The following CADPS2 variants were observed in gnomAD, a reference collection of about 807,000 sequenced individuals.
CADPS2 encodes calcium dependent secretion activator 2, also known as calcium-dependent secretion activator 2.
Under a neutral mutation model 172.5 loss-of-function variants are expected in CADPS2, and 93 were observed. The ratio of observed to expected loss-of-function variants is 0.54; its 90% confidence interval spans 0.46 to 0.64. The LOEUF is 0.64. CADPS2 is among the 30% of genes least tolerant of loss of function. CADPS2 has a pLI of 0.00. For missense variants in CADPS2, 1,420 were observed against 1,565.9 expected, an observed-to-expected ratio of 0.91 and a Z score of 1.57; for synonymous variants, 546 against 555.2, an observed-to-expected ratio of 0.98 and a Z score of 0.23.
chr7:122,851,332 G>A (rs1813545950), intron 1 of CADPS2, among the ~76,000 whole-genome samples: 1 of 152,104 alleles, frequency 6.6e-6, no homozygotes, highest in Non-Finnish European at 1.5e-5. Flanking sequence ...GACAGGAATG[G>A]GTCTAGCTGT....
At chr7:122,553,956 A>G (rs2064667081) in intron 8 of CADPS2, among the ~76,000 whole-genome samples, 1 of 152,060 alleles carries the variant, frequency 6.6e-6, no homozygotes. Flanking sequence ...ACCAGCTGCA[A>G]CAGACAAAGA....
intron 17 of CADPS2, chr7:122,427,130 G>T (rs1390444783): frequency 6.6e-6 from 1 of 151,962 alleles, no homozygotes; most frequent in Non-Finnish European, 1.5e-5. Context: ...CCGTGTGTGT[G>T]TGTGTGTGTG....
chr7:122,653,926 T>C (rs2079454199), intron 3 of CADPS2, among the ~76,000 whole-genome samples: 1 of 152,172 alleles, frequency 6.6e-6, no homozygotes, highest in Non-Finnish European at 1.5e-5. Context: ...TAAAACACAC[T>C]AACATTGAAA....
intron 1 of CADPS2, among the ~76,000 whole-genome samples, chr7:122,837,606 G>A (rs953032251): frequency 4.5e-4 from 69 of 152,178 alleles, no homozygotes; most frequent in Admixed American, 2.1e-3. Flanking sequence ...TATCACCACC[G>A]ATCCCACAGA....
intron 17 of CADPS2, among the ~76,000 whole-genome samples, chr7:122,421,602 G>A (rs2048537612): frequency 6.6e-6 from 1 of 152,198 alleles, no homozygotes; most frequent in South Asian, 2.1e-4. Flanking sequence ...GCTAGCCACT[G>A]AGGGGATACA....
At chr7:122,530,927 T>C (rs1586904986) in intron 8 of CADPS2, among the ~76,000 whole-genome samples, 2 of 152,130 alleles carry the variant, frequency 1.3e-5, no homozygotes, top group African/African-American at 2.4e-5. Flanking sequence ...GCTGGATTGA[T>C]TGTGAATGGG....
intron 25 of CADPS2, among the ~76,000 whole-genome samples, chr7:122,364,963 G>C (rs534440943): frequency 4.9e-4 from 75 of 152,258 alleles, no homozygotes; most frequent in African/African-American, 1.8e-3. Flanking sequence ...TTGACTACAG[G>C]ATATGGGGTC....
chr7:122,814,124 GTTC>G (rs1800729683), intron 1 of CADPS2, among the ~76,000 whole-genome samples: 1 of 151,524 alleles, frequency 6.6e-6, no homozygotes, highest in Non-Finnish European at 1.5e-5. Context: ...TGACTTCAAA[GTTC>G]TTAACTAAAC....
chr7:122,349,564 TC>T (rs770701945), intron 27 of CADPS2, among the ~76,000 whole-genome samples: 1 of 152,054 alleles, frequency 6.6e-6, no homozygotes, highest in Non-Finnish European at 1.5e-5. Flanking sequence ...TCTAAAAAAT[TC>T]CCCCATGAGC....
At chr7:122,723,924 A>C (rs918298465) in intron 2 of CADPS2, among the ~76,000 whole-genome samples, 1 of 151,974 alleles carries the variant, frequency 6.6e-6, no homozygotes, top group East Asian at 1.9e-4. Context: ...AAACTGTCAC[A>C]AGGACAGAAA....
chr7:122,521,478 G>T (rs2060790201), intron 8 of CADPS2, among the ~76,000 whole-genome samples: 1 of 142,018 alleles, frequency 7.0e-6, no homozygotes, highest in South Asian at 2.5e-4. Context: ...TTTGCGGGGG[G>T]GTGAGGTGGG....
chr7:122,659,958 TGA>T (rs1167815872), intron 3 of CADPS2, among the ~76,000 whole-genome samples: 2 of 152,068 alleles, frequency 1.3e-5, no homozygotes, highest in Non-Finnish European at 2.9e-5. Flanking sequence ...AAACAAAAAC[TGA>T]GAGACTGCAT....
intron 2 of CADPS2, among the ~76,000 whole-genome samples, chr7:122,718,819 G>C (rs957355481): frequency 6.6e-6 from 1 of 152,140 alleles, no homozygotes; most frequent in African/African-American, 2.4e-5. Flanking sequence ...TGGGATAACA[G>C]AGAACAGATA....
intron 3 of CADPS2, among the ~76,000 whole-genome samples, chr7:122,659,407 G>C (rs1040193193): frequency 1.3e-5 from 2 of 150,954 alleles, no homozygotes; most frequent in South Asian, 2.1e-4. Context: ...CAGTGAGCTT[G>C]AAGACATGTC....
In CADPS2 at chr7:122,886,128, C is replaced by A; in HGVS notation, c.210G>T (p.Glu70Asp). The change falls in exon 1 of 30, where the codon GAG (glutamate) becomes GAT (aspartate). Residue 70 changes from glutamate to aspartate, a missense_variant. Coordinates refer to ENST00000449022, the MANE Select transcript of CADPS2 (RefSeq NM_017954.11). ...GCTCATCGTCCAGCTGCCGCTGGGG[C>A]TCGTCTCGCCCCTCGCTGAGCACAG... is the stretch of plus-strand genomic sequence containing the variant. ...SPSVLSEGRD[E>D]PQRQLDDEQE... 2 of 1,557,066 alleles carry A rather than the reference C, an allele frequency of 1.3e-6. No homozygotes were observed. Among genetic ancestry groups the A allele is most frequent in the Non-Finnish European group, 1.7e-6 (2 of 1,151,222 alleles).
intron 19 of CADPS2, among the ~76,000 whole-genome samples, chr7:122,413,732 C>T (rs2047573895): frequency 1.3e-5 from 2 of 152,180 alleles, no homozygotes; most frequent in Admixed American, 6.5e-5. Flanking sequence ...GACCAATTCA[C>T]TCCCCAATAT....
intron 12 of CADPS2, among the ~76,000 whole-genome samples, chr7:122,475,173 C>T (rs562358054): frequency 5.9e-5 from 9 of 152,236 alleles, no homozygotes; most frequent in Admixed American, 4.6e-4. Context: ...GTAGACCCTG[C>T]GGGTTTATCA....
intron 2 of CADPS2, among the ~76,000 whole-genome samples, chr7:122,682,726 G>C (rs968202750): frequency 6.6e-6 from 1 of 152,136 alleles, no homozygotes; most frequent in Non-Finnish European, 1.5e-5. Flanking sequence ...ACAAAACTGA[G>C]AGGGCATGAG....
intron 6 of CADPS2, among the ~76,000 whole-genome samples, chr7:122,596,368 A>G (rs1241838533): frequency 2.0e-5 from 3 of 152,126 alleles, no homozygotes; most frequent in Non-Finnish European, 4.4e-5. Context: ...GAACATTTAA[A>G]TAATGACACT....
Sources: gnomAD v4.1 joint callset for allele counts (sites outside exome capture counted in the v4.1 genomes callset) on GRCh38, gnomAD v4.1.1 for gene constraint, MANE v1.5 for transcripts, NCBI Gene and HGNC (gene_info 2026-07-23, HGNC 2026-07-21) for gene names.